RBM39: variants seen among roughly 807,000 people sequenced by gnomAD.
RBM39 encodes RNA-binding protein 39.
A neutral mutation model predicts 79.6 loss-of-function variants in RBM39; 12 were observed. The ratio of observed to expected loss-of-function variants is 0.15; its 90% CI spans 0.10 to 0.24. The LOEUF is 0.24. Ranked by LOEUF, RBM39 falls within the 10% of genes least tolerant of loss-of-function variation. The pLI is 1.00. For synonymous variants in RBM39, 185 were observed against 208.4 expected, an observed-to-expected ratio of 0.89 and a Z score of 0.97; for missense variants, 243 against 653.4, an observed-to-expected ratio of 0.37 and a Z score of 6.85.
chr20:35,725,017 C>T (rs2146630289), intron 7 of RBM39, 21 bp downstream of exon 7: 1 of 1,524,342 alleles, frequency 6.6e-7, no homozygotes, highest in East Asian at 2.3e-5. Context: ...TACTTGACCT[C>T]CCTAAACAGG....
In RBM39 at chr20:35,703,556, T is replaced by A. The variant is rs73093178; in HGVS notation, c.*925A>T. ...TGAATTGAGACTAAAAGAAGCTAAT[T>A]CTGTTCTCAAATTTCTGTAACTTTA... On this transcript the variant is annotated 3_prime_UTR_variant, in exon 17 of 17. Coordinates refer to ENST00000253363, the MANE Select transcript of RBM39 (RefSeq NM_184234.3). 1,141 of 152,672 alleles carry A rather than the reference T, an allele frequency of 7.5e-3. 7 individuals carry two copies. Among genetic ancestry groups the A allele is most frequent in the Non-Finnish European group, 0.011 (736 of 68,022 alleles). The allele number at this position is 152,672 out of a possible 1,614,324, so 9.5% of individuals were successfully genotyped here. A position where few individuals can be genotyped will look rare whatever the true frequency, so the allele number is the denominator to read the frequency against.
intron 10 of RBM39, 146 bp from the exon 11 acceptor site, chr20:35,714,535 A>C (rs2036859455): frequency 1.7e-6 from 2 of 1,194,574 alleles, no homozygotes; most frequent in Non-Finnish European, 1.1e-6. Flanking sequence ...AGTAGCAAAC[A>C]CAACATACAT....
At chr20:35,724,309 TGA>T (rs59788381) in intron 8 of RBM39, among the ~76,000 whole-genome samples, 1 of 150,918 alleles carries the variant, frequency 6.6e-6, no homozygotes, top group South Asian at 2.1e-4. Flanking sequence ...TCCAGCCTGG[TGA>T]GAGAGACTCC....
intron 12 of RBM39, among the ~76,000 whole-genome samples, chr20:35,709,819 T>C (rs1463715185): frequency 6.6e-6 from 1 of 152,216 alleles, no homozygotes; most frequent in African/African-American, 2.4e-5. Flanking sequence ...TAAGGACTTT[T>C]CAAAGATTTA....
intron 11 of RBM39, chr20:35,713,371 G>T (rs972638719): frequency 1.2e-5 from 3 of 259,676 alleles, no homozygotes; most frequent in Non-Finnish European, 2.3e-5. Context: ...TGTTGCACAG[G>T]CTGGAGTGCA....
intron 14 of RBM39, among the ~76,000 whole-genome samples, chr20:35,706,808 A>G (rs1244549979): frequency 1.3e-5 from 2 of 151,988 alleles, no homozygotes; most frequent in African/African-American, 2.4e-5. Context: ...TGGGCGGATC[A>G]CCTCAGGTCG....
chr20:35,724,912 CAA>C, intron 7 of RBM39, 124 bp downstream of exon 7: 2 of 993,634 alleles, frequency 2.0e-6, no homozygotes, highest in Non-Finnish European at 3.0e-6. Flanking sequence ...TCCAATACTA[CAA>C]GAGGCAAAAT....
intron 10 of RBM39, among the ~76,000 whole-genome samples, chr20:35,715,875 T>C (rs988350560): frequency 2.3e-5 from 3 of 129,466 alleles, no homozygotes; most frequent in African/African-American, 1.1e-4. Context: ...GATGTCTTCC[T>C]CTCTCTTCCT....
At chr20:35,736,700 G>A (rs1186574911) in intron 3 of RBM39, 18 of 412,776 alleles carry the variant, frequency 4.4e-5, no homozygotes, top group South Asian at 3.3e-4. Flanking sequence ...CTCCAGGCTG[G>A]AGTACAATGG....
chr20:35,737,844 GTGTC>G (rs2040112278), intron 3 of RBM39, among the ~76,000 whole-genome samples: 1 of 81,720 alleles, frequency 1.2e-5, no homozygotes, highest in Non-Finnish European at 2.2e-5. Flanking sequence ...GCAAGACTCC[GTGTC>G]AAAAAAAAAA....
chr20:35,701,706 A>C lies in RBM39; in HGVS notation c.*2775T>G, dbSNP rs2035290313. 1 of 152,224 alleles carries C rather than the reference A, an allele frequency of 6.6e-6. No individual in the cohort carries two copies. Among genetic ancestry groups the C allele is most frequent in the Non-Finnish European group, 1.5e-5 (1 of 68,164 alleles). The allele number at this position is 152,224 out of a possible 1,614,324, so 9.4% of individuals were successfully genotyped here. On this transcript the variant is annotated 3_prime_UTR_variant, in exon 17 of 17. Transcript: ENST00000253363. ...AAGGTGGAGGTTGCAGTGAGCTGAG[A>C]TCGAGCCATTGCACTCCAGCCTGGG...
At position 35,702,133 on chromosome 20, in the gene RBM39, G is replaced by C. The variant is rs1490929864; in HGVS notation, c.*2348C>G. ...ACCTGCCCAGGCCACGCAGACCCTG[G>C]AGTTACTAACCCGCATTGCCCATTA... is the stretch of plus-strand genomic sequence containing the variant. On this transcript the variant is annotated 3_prime_UTR_variant, in exon 17 of 17. Transcript: ENST00000253363. 6.6e-6 allele frequency: 1 copy of C among 152,130 alleles called. No homozygotes were observed. The highest frequency in any genetic ancestry group is 1.5e-5 in the Non-Finnish European group (1 of 68,024). The allele number at this position is 152,130 out of a possible 1,614,324, so 9.4% of individuals were successfully genotyped here.
chr20:35,727,745 G>A (rs2038911599), intron 6 of RBM39, among the ~76,000 whole-genome samples: 1 of 151,864 alleles, frequency 6.6e-6, no homozygotes, highest in Non-Finnish European at 1.5e-5. Context: ...CGCCTCTTGG[G>A]TTCAAGCGAT....
chr20:35,738,030 G>A (rs1047938475), intron 3 of RBM39, among the ~76,000 whole-genome samples: 6 of 151,322 alleles, frequency 4.0e-5, no homozygotes, highest in Admixed American at 1.3e-4. Context: ...GATGGCGCGC[G>A]CCTGTAGTCC....
chr20:35,705,137 G>T (rs568495760), intron 15 of RBM39, 88 bp downstream of exon 15: 1 of 786,904 alleles, frequency 1.3e-6, no homozygotes. Flanking sequence ...AATGGAAGAC[G>T]GTTAACCATA....
intron 12 of RBM39, 100 bp downstream of exon 12, chr20:35,712,919 T>A: frequency 1.1e-6 from 1 of 877,604 alleles, no homozygotes; most frequent in Non-Finnish European, 1.7e-6. Flanking sequence ...AAGTACTTGA[T>A]GAATTGAATT....
intron 3 of RBM39, among the ~76,000 whole-genome samples, chr20:35,734,035 T>A (rs144384268): frequency 1.7e-4 from 26 of 152,346 alleles, no homozygotes; most frequent in African/African-American, 6.3e-4. Context: ...TTAAACATTT[T>A]GACAATTCTG....
chr20:35,729,929 T>C (rs1395276625), intron 4 of RBM39, among the ~76,000 whole-genome samples: 2 of 152,158 alleles, frequency 1.3e-5, no homozygotes, highest in South Asian at 2.1e-4. Context: ...GGTTAACAAT[T>C]TGGTGTGTAT....
At chr20:35,707,330 TA>T (rs1285567980) in intron 13 of RBM39, 129 bp from the exon 14 acceptor site, 3 of 493,168 alleles carry the variant, frequency 6.1e-6, no homozygotes, top group Non-Finnish European at 1.1e-5. Context: ...TATTTTACCT[TA>T]TTTAATATTG....
Sources: allele counts gnomAD v4.1 joint callset (sites outside exome capture counted in the v4.1 genomes callset), GRCh38; gene constraint gnomAD v4.1.1; transcripts MANE v1.5; gene names NCBI Gene and HGNC (gene_info 2026-07-23, HGNC 2026-07-21).